ZNF488: variants seen among roughly 807,000 people sequenced by gnomAD.
ZNF488 encodes the protein zinc finger protein 488.
A neutral mutation model predicts 1.2 loss-of-function variants in ZNF488; 1 was observed. The ratio of observed to expected loss-of-function variants is 0.86; its 90% CI spans 0.30 to 4.07. The LOEUF is 4.07. ZNF488 is among the 30% of genes most tolerant of loss of function. The probability of loss-of-function intolerance (pLI) is 0.18; values close to 1 mark genes in which losing one functional copy is unlikely to be tolerated. For synonymous variants in ZNF488, 185 were observed against 190.1 expected (o/e 0.97, Z 0.22); for missense variants, 450 against 437.9 (o/e 1.03, Z -0.25).
intron 1 of ZNF488, among the ~76,000 whole-genome samples, chr10:47,378,547 A>C (rs1331444333): frequency 6.6e-6 from 1 of 152,152 alleles, no homozygotes; most frequent in African/African-American, 2.4e-5. Context: ...CTATGCATAA[A>C]TATAGCCTGG....
chr10:47,374,651 A>C (rs1210723747), intron 1 of ZNF488, among the ~76,000 whole-genome samples: 1 of 151,986 alleles, frequency 6.6e-6, no homozygotes, highest in South Asian at 2.1e-4. Flanking sequence ...GGGTAGCCAG[A>C]AAAAAAAGCC....
rs781590113 is a variant in ZNF488, at chr10:47,367,728, C to G, written c.*79G>C. 2 of 1,482,032 alleles carry G rather than the reference C, an allele frequency of 1.3e-6. No individual in the cohort carries two copies. Among genetic ancestry groups the G allele is most frequent in the East Asian group, 2.3e-5 (1 of 44,058 alleles). 91.8% of individuals were successfully genotyped at this position (1,482,032 alleles called of 1,614,324 possible). On this transcript the variant is annotated 3_prime_UTR_variant, in exon 2 of 2. Transcript: ENST00000585316. ...CAGCTCTGCAAAGGACCATGACAGC[C>G]CCCTCAACGCAGGCCCAGGGAGCCC...
rs1481392631 is a variant in ZNF488 at position 47,367,836 on chromosome 10, G to A, written c.994C>T (p.Leu332Phe). 1 of 1,612,986 alleles carries A rather than the reference G, an allele frequency of 6.2e-7. No homozygotes were observed. The highest frequency in any genetic ancestry group is 1.3e-5 in the African/African-American group (1 of 74,930). ...CTGTGAGAAGTCATGTGCCGGGAGA[G>A]GTGGTGGCGCTCCCGGAAGTGCTCC... ...CQEHFRERHH[L>F]SRHMTSHS Residue 332 changes from leucine to phenylalanine, a missense_variant, in exon 2 of 2, where the codon CTC becomes TTC. Leu to Phe is a conservative substitution (Grantham distance 22). Coordinates refer to ENST00000585316, the MANE Select transcript of ZNF488 (RefSeq NM_153034.4).
At chr10:47,368,982 C>T in intron 1 of ZNF488, 45 bp from the exon 2 acceptor site, 4 of 864,498 alleles carry the variant, frequency 4.6e-6, no homozygotes, top group Admixed American at 5.6e-5. Context: ...GCATTCATCA[C>T]TCAGGCACAG....
At chr10:47,383,185 T>G (rs367599230) in intron 1 of ZNF488, among the ~76,000 whole-genome samples, 14 of 151,068 alleles carry the variant, frequency 9.3e-5, no homozygotes, top group African/African-American at 3.4e-4. Flanking sequence ...CCCTTGGCCC[T>G]CCTATCTAAT....
chr10:47,372,945 T>C (rs1555214030), intron 1 of ZNF488, among the ~76,000 whole-genome samples: 1 of 152,120 alleles, frequency 6.6e-6, no homozygotes, highest in African/African-American at 2.4e-5. Flanking sequence ...TCATCCCCAC[T>C]GGAATCAGGC....
chr10:47,373,433 G>A (rs1166456857), intron 1 of ZNF488, among the ~76,000 whole-genome samples: 4 of 152,140 alleles, frequency 2.6e-5, no homozygotes, highest in African/African-American at 7.2e-5. Context: ...TGGGAAAGAC[G>A]TGGGTTTGAA....
At chr10:47,373,748 C>A (rs145850832) in intron 1 of ZNF488, among the ~76,000 whole-genome samples, 40 of 152,352 alleles carry the variant, frequency 2.6e-4, no homozygotes, top group Non-Finnish European at 4.7e-4. Flanking sequence ...GAGGCAAAGT[C>A]TTCCATAGAC....
rs782517228 is a variant in ZNF488, at chr10:47,368,333, G to T, written c.497C>A (p.Pro166Gln). Reference sequence around the variant, plus strand: ...AGGCCTCTCTGCTGGTCGCTTGGTTGGTTTGCTAAAGGCGCTTCTTTGCTC... The same window carrying T: ...AGGCCTCTCTGCTGGTCGCTTGGTTTGTTTGCTAAAGGCGCTTCTTTGCTC... The part of the protein sequence containing the change: ...RSEQRSAFSK[P>Q]TKRPAERPEL... The change falls in exon 2 of 2, where the codon CCA becomes CAA. Residue 166 changes from proline to glutamine, a missense_variant. Coordinates refer to ENST00000585316, the MANE Select transcript of ZNF488 (RefSeq NM_153034.4). 2 of 1,614,228 alleles carry T rather than the reference G, an allele frequency of 1.2e-6. No individual in the cohort carries two copies. Among genetic ancestry groups the T allele is most frequent in the Non-Finnish European group, 1.7e-6 (2 of 1,180,052 alleles).
chr10:47,382,395 C>CT (rs2132321883), intron 1 of ZNF488, among the ~76,000 whole-genome samples: 1 of 132,210 alleles, frequency 7.6e-6, no homozygotes, highest in Non-Finnish European at 1.7e-5. Flanking sequence ...GCACAGACCA[C>CT]TAATGAGGAA....
In ZNF488 at chr10:47,366,669, A is replaced by G. The variant is rs1184828685; in HGVS notation, c.*1138T>C. 1 of 167,118 alleles carries G rather than the reference A, an allele frequency of 6.0e-6. No homozygotes were observed. Among genetic ancestry groups the G allele is most frequent in the African/African-American group, 2.4e-5 (1 of 41,450 alleles). The allele number at this position is 167,118 out of a possible 1,614,324, so 10.4% of individuals were successfully genotyped here. ...CTGGGCTCCACACATCCTTAGGAAC[A>G]AGGGCTGATGCGGGTACCTACAACA... On this transcript the variant is annotated 3_prime_UTR_variant, in exon 2 of 2. Transcript: ENST00000585316.
intron 1 of ZNF488, among the ~76,000 whole-genome samples, chr10:47,380,523 G>GCTA (rs1837895215): frequency 6.6e-6 from 1 of 151,872 alleles, no homozygotes; most frequent in Non-Finnish European, 1.5e-5. Context: ...AGGGTCCCCT[G>GCTA]TTGCCCAACT....
rs782172980 is a variant in ZNF488, at chr10:47,368,741, G to A, written c.89C>T (p.Ala30Val). 6.2e-7 allele frequency: 1 copy of A among 1,613,292 alleles called. No individual in the cohort carries two copies. Among genetic ancestry groups the A allele is most frequent in the Admixed American group, 1.7e-5 (1 of 60,036 alleles). Residue 30 changes from alanine (A) to valine (V), a missense_variant, in exon 2 of 2, where the codon GCT becomes GTT. Coordinates refer to ENST00000585316, the MANE Select transcript of ZNF488 (RefSeq NM_153034.4). ...AGKGAPLSPS[A>V]ENRWRLSEPE... Reference sequence around the variant, plus strand: ...TTCGCTAAGTCGCCATCTGTTTTCAGCCGATGGGCTCAACGGGGCTCCCTT... The same window carrying A: ...TTCGCTAAGTCGCCATCTGTTTTCAACCGATGGGCTCAACGGGGCTCCCTT...
At chr10:47,379,933 C>A (rs77591731) in intron 1 of ZNF488, among the ~76,000 whole-genome samples, 2 of 126,126 alleles carry the variant, frequency 1.6e-5, no homozygotes, top group Non-Finnish European at 3.5e-5. Flanking sequence ...TGCTTTCCTC[C>A]GGGAACCTGC....
intron 1 of ZNF488, among the ~76,000 whole-genome samples, chr10:47,380,465 C>T (rs1253873431): frequency 6.6e-6 from 1 of 152,304 alleles, no homozygotes; most frequent in African/African-American, 2.4e-5. Flanking sequence ...TCCCCACCAA[C>T]ACAGAGCACA....
At chr10:47,372,679 G>A (rs1391064134) in intron 1 of ZNF488, among the ~76,000 whole-genome samples, 5 of 152,210 alleles carry the variant, frequency 3.3e-5, no homozygotes, top group South Asian at 2.1e-4. Flanking sequence ...GAAAGTGCAT[G>A]AGAAAACTTT....
Position 47,367,529 on chromosome 10 carries a change from G to A in ZNF488, c.*278C>T. 2.1e-6 allele frequency: 1 copy of A among 487,054 alleles called. No individual in the cohort carries two copies. The highest frequency in any genetic ancestry group is 3.6e-5 in the East Asian group (1 of 27,552). 30.2% of individuals were successfully genotyped at this position (487,054 alleles called of 1,614,324 possible). On this transcript the variant is annotated 3_prime_UTR_variant, in exon 2 of 2. Transcript: ENST00000585316. ...GAATCCAGGCTTGTGTGCCTCCAAA[G>A]CCCATGATGTGTGCCAGGAGTTGCC...
In ZNF488 at chr10:47,368,595, C is replaced by A. The variant is rs367875343; in HGVS notation, c.235G>T (p.Ala79Ser). Residue 79 changes from alanine to serine, a missense_variant, in exon 2 of 2, where the codon GCC becomes TCC. Physicochemically the swap from Ala to Ser is moderately conservative, Grantham distance 99. Coordinates refer to ENST00000585316, the MANE Select transcript of ZNF488 (RefSeq NM_153034.4). ...VGSAELALLV[A>S]PGKPRPGKPL... ...TTGCCAGGTCGGGGCTTGCCTGGGG[C>A]TACCAACAGTGCCAGCTCCGCACTG... 5.0e-6 allele frequency: 8 copies of A among 1,610,600 alleles called. No homozygotes were observed. Among genetic ancestry groups the A allele is most frequent in the Non-Finnish European group, 5.9e-6 (7 of 1,179,886 alleles).
intron 1 of ZNF488, among the ~76,000 whole-genome samples, chr10:47,369,671 C>A (rs1837393743): frequency 6.6e-6 from 1 of 152,124 alleles, no homozygotes; most frequent in Non-Finnish European, 1.5e-5. Flanking sequence ...CCCCACTCTT[C>A]CCCCAACTCC....
Sources: allele counts gnomAD v4.1 joint callset (sites outside exome capture counted in the v4.1 genomes callset), GRCh38; gene constraint gnomAD v4.1.1; transcripts MANE v1.5; gene names NCBI Gene and HGNC (gene_info 2026-07-23, HGNC 2026-07-21).